MGMT: variants seen among roughly 807,000 people sequenced by gnomAD.
MGMT encodes methylated-DNA--protein-cysteine methyltransferase.
MGMT carries 14 observed loss-of-function variants against 15.9 expected under a neutral mutation model. The ratio of observed to expected loss-of-function variants is 0.88; its 90% CI spans 0.58 to 1.37. MGMT has a LOEUF of 1.37. Ranked by LOEUF, MGMT falls within the 40% of genes most tolerant of loss-of-function variation. MGMT has a pLI of 0.00. For missense variants in MGMT, 282 were observed against 268.1 expected (o/e 1.05, Z -0.36); for synonymous variants, 130 against 118.2 (o/e 1.10, Z -0.65).
chr10:129,535,103 G>A (rs1400323181), intron 1 of MGMT, among the ~76,000 whole-genome samples: 3 of 152,188 alleles, frequency 2.0e-5, no homozygotes, highest in Admixed American at 2.0e-4. Context: ...CCTTGATGTA[G>A]GGAGCCTTTG....
chr10:129,623,789 A>T (rs897937707), intron 2 of MGMT, among the ~76,000 whole-genome samples: 1 of 152,184 alleles, frequency 6.6e-6, no homozygotes, highest in African/African-American at 2.4e-5. Context: ...CAAAGGAGTT[A>T]GGATTACAGG....
intron 2 of MGMT, among the ~76,000 whole-genome samples, chr10:129,646,810 C>CG (rs932298567): frequency 6.3e-5 from 9 of 143,724 alleles, no homozygotes; most frequent in Admixed American, 1.4e-4. Flanking sequence ...GGCGTCTTGT[C>CG]TGCTGGGCCA....
chr10:129,704,041 C>CTCTGA (rs1848129702), intron 2 of MGMT, among the ~76,000 whole-genome samples: 1 of 152,132 alleles, frequency 6.6e-6, no homozygotes, highest in African/African-American at 2.4e-5. Flanking sequence ...GTTCGGCCGC[C>CTCTGA]TTCCCCAGGG....
chr10:129,704,464 G>T (rs183823697), intron 2 of MGMT, among the ~76,000 whole-genome samples: 1 of 152,088 alleles, frequency 6.6e-6, no homozygotes, highest in African/African-American at 2.4e-5. Context: ...CACTGTCTGC[G>T]TGAGTTCCCT....
intron 2 of MGMT, among the ~76,000 whole-genome samples, chr10:129,652,018 C>T (rs558021597): frequency 2.6e-5 from 4 of 152,292 alleles, no homozygotes; most frequent in South Asian, 4.1e-4. Flanking sequence ...GTTGGGCCTG[C>T]ACACTGAGTG....
intron 3 of MGMT, among the ~76,000 whole-genome samples, chr10:129,728,912 C>T (rs1306642100): frequency 6.6e-6 from 1 of 152,170 alleles, no homozygotes; most frequent in African/African-American, 2.4e-5. Context: ...AATAAAGGGA[C>T]TAATTGGTAA....
At chr10:129,538,044 G>A (rs563559039) in intron 2 of MGMT, among the ~76,000 whole-genome samples, 31 of 152,280 alleles carry the variant, frequency 2.0e-4, no homozygotes, top group South Asian at 4.1e-4. Context: ...GGGGCAGCCA[G>A]CAGTATTTGT....
intron 2 of MGMT, among the ~76,000 whole-genome samples, chr10:129,680,517 T>C (rs11016868): frequency 0.054 from 7,165 of 131,700 alleles, 13 homozygotes; most frequent in African/African-American, 0.15. Context: ...CTTTGGAGCA[T>C]GCTCTCCCCC....
intron 2 of MGMT, among the ~76,000 whole-genome samples, chr10:129,675,756 AAGAG>A (rs1415584101): frequency 7.7e-4 from 117 of 152,278 alleles, no homozygotes; most frequent in African/African-American, 2.6e-3. Flanking sequence ...CATCAGGGAG[AAGAG>A]AGAAAGACCC....
intron 2 of MGMT, among the ~76,000 whole-genome samples, chr10:129,671,894 A>G (rs961355228): frequency 6.6e-6 from 1 of 152,250 alleles, no homozygotes; most frequent in Non-Finnish European, 1.5e-5. Context: ...TTTGGCAAAT[A>G]TCAACAAAGT....
intron 1 of MGMT, among the ~76,000 whole-genome samples, chr10:129,481,203 G>A (rs961156732): frequency 2.0e-5 from 3 of 152,194 alleles, no homozygotes; most frequent in South Asian, 4.1e-4. Flanking sequence ...GTTTGTGCAG[G>A]TGCCCTTTAG....
chr10:129,599,820 A>G (rs1307159813), intron 2 of MGMT, among the ~76,000 whole-genome samples: 5 of 152,126 alleles, frequency 3.3e-5, no homozygotes, highest in African/African-American at 9.7e-5. Flanking sequence ...CCATTTTACC[A>G]TCCTTTCTTC....
At chr10:129,692,889 G>A (rs999040280) in intron 2 of MGMT, among the ~76,000 whole-genome samples, 1 of 152,336 alleles carries the variant, frequency 6.6e-6, no homozygotes, top group South Asian at 2.1e-4. Context: ...CAGACCTCGC[G>A]GTTGCTCTCA....
intron 2 of MGMT, among the ~76,000 whole-genome samples, chr10:129,550,827 C>A (rs1210472875): frequency 6.6e-6 from 1 of 152,228 alleles, no homozygotes; most frequent in Non-Finnish European, 1.5e-5. Context: ...CAGCCCATCC[C>A]CTGGCACCCA....
At chr10:129,663,501 G>C (rs1274348389) in intron 2 of MGMT, among the ~76,000 whole-genome samples, 2 of 151,938 alleles carry the variant, frequency 1.3e-5, no homozygotes, top group East Asian at 3.9e-4. Context: ...AAATAACGAA[G>C]TAGAGAAGGA....
chr10:129,552,322 C>T (rs1846166668), intron 2 of MGMT, among the ~76,000 whole-genome samples: 1 of 152,298 alleles, frequency 6.6e-6, no homozygotes, highest in African/African-American at 2.4e-5. Flanking sequence ...GCTTGAGCTG[C>T]GTCACCATGA....
At chr10:129,760,249 C>T (rs1848856766) in intron 4 of MGMT, among the ~76,000 whole-genome samples, 2 of 152,222 alleles carry the variant, frequency 1.3e-5, no homozygotes, top group Admixed American at 1.3e-4. Context: ...CCACACGTGC[C>T]TGTGTGTGTG....
intron 3 of MGMT, among the ~76,000 whole-genome samples, chr10:129,741,857 T>C (rs1589970694): frequency 2.0e-5 from 3 of 152,224 alleles, no homozygotes; most frequent in Middle Eastern, 3.4e-3. Context: ...TTTGGGTGCC[T>C]GGGCCCACCG....
rs749585004 is a variant in MGMT, at chr10:129,708,028, C to A, written c.259C>A (p.Pro87Thr). Residue 87 changes from proline (P) to threonine (T), a missense_variant, in exon 3 of 5, where the codon CCC becomes ACC. Transcript: ENST00000651593. ...GTTCCCCGTGCCGGCTCTTCACCAT[C>A]CCGTTTTCCAGCAAGGTCGGTAACT... The part of the protein sequence containing the change: ...EEFPVPALHH[P>T]VFQQESFTRQ... 2.0e-5 allele frequency: 32 copies of A among 1,612,546 alleles called. No individual in the cohort carries two copies. The highest frequency in any genetic ancestry group is 3.4e-5 in the Admixed American group (2 of 59,636).
Sources: allele counts gnomAD v4.1 joint callset (sites outside exome capture counted in the v4.1 genomes callset), GRCh38; gene constraint gnomAD v4.1.1; transcripts MANE v1.5; gene names NCBI Gene and HGNC (gene_info 2026-07-23, HGNC 2026-07-21).